The following DCAF8 variants were observed in gnomAD, a reference collection of about 807,000 sequenced individuals.
DCAF8 encodes the protein DDB1 and CUL4 associated factor 8.
DCAF8 carries 20 observed loss-of-function variants against 68.0 expected under a neutral mutation model. That is an observed-to-expected ratio of 0.29 (90% CI 0.21 to 0.43). The LOEUF (loss-of-function observed/expected upper bound fraction) is 0.43. Among genes scored for constraint, DCAF8 ranks in the 20% least tolerant of loss-of-function variants. The probability of loss-of-function intolerance (pLI) is 1.00; values close to 1 mark genes in which losing one functional copy is unlikely to be tolerated. For missense variants in DCAF8, 460 were observed against 771.0 expected (o/e 0.60, Z 4.78); for synonymous variants, 230 against 276.9 (o/e 0.83, Z 1.68).
At chr1:160,261,461 C>T (rs1657085093) in intron 1 of DCAF8, 103 bp from the exon 2 acceptor site, 1 of 152,202 alleles carries the variant, frequency 6.6e-6, no homozygotes, top group Admixed American at 6.5e-5. Flanking sequence ...CTCAAAACTA[C>T]TTAAAAGCAG....
chr1:160,254,560 G>A (rs1231737684), intron 2 of DCAF8, among the ~76,000 whole-genome samples: 10 of 151,784 alleles, frequency 6.6e-5, no homozygotes, highest in South Asian at 2.1e-4. Flanking sequence ...TTAGGAGGCC[G>A]GGCCGGGTGG....
At chr1:160,248,021 G>A (rs1656410012) in intron 2 of DCAF8, among the ~76,000 whole-genome samples, 1 of 152,192 alleles carries the variant, frequency 6.6e-6, no homozygotes. Context: ...AATAAATTCT[G>A]ATAAATCTGA....
chr1:160,229,296 A>G (rs925109920), intron 7 of DCAF8, among the ~76,000 whole-genome samples: 7 of 143,074 alleles, frequency 4.9e-5, no homozygotes, highest in African/African-American at 1.9e-4. Context: ...ACTCTGTCTC[A>G]AAAAAAAAAC....
intron 2 of DCAF8, among the ~76,000 whole-genome samples, chr1:160,244,459 T>A (rs941058523): frequency 3.9e-5 from 6 of 152,186 alleles, no homozygotes; most frequent in African/African-American, 1.4e-4. Flanking sequence ...GACATATGTA[T>A]CCTCAAACTC....
chr1:160,224,262 G>A (rs554755378), intron 10 of DCAF8, among the ~76,000 whole-genome samples, 180 bp downstream of exon 10: 1 of 152,346 alleles, frequency 6.6e-6, no homozygotes, highest in African/African-American at 2.4e-5. Flanking sequence ...AGATGCTCTT[G>A]AGCGCTTTCT....
At chr1:160,238,545 A>C in intron 5 of DCAF8, 62 bp downstream of exon 5, 2 of 1,504,738 alleles carry the variant, frequency 1.3e-6, no homozygotes, top group African/African-American at 2.8e-5. Context: ...ATAAGGGAGA[A>C]CCTTGGCTGA....
At chr1:160,243,379 T>C (rs1402816221) in intron 3 of DCAF8, among the ~76,000 whole-genome samples, 1 of 151,228 alleles carries the variant, frequency 6.6e-6, no homozygotes, top group Non-Finnish European at 1.5e-5. Flanking sequence ...CCTAGTTGGG[T>C]TGTAACTTCA....
chr1:160,226,394 AC>A (rs906691487), intron 7 of DCAF8, among the ~76,000 whole-genome samples: 3 of 152,082 alleles, frequency 2.0e-5, no homozygotes, highest in Non-Finnish European at 4.4e-5. Flanking sequence ...TATCAAGCAC[AC>A]TACACCTTCA....
Position 160,240,125 on chromosome 1 carries a change from A to T in DCAF8, c.295T>A (p.Ser99Thr). The change falls in exon 4 of 14, where the codon TCA (serine) becomes ACA (threonine). Residue 99 changes from serine to threonine, a missense_variant. Physicochemically the swap from Ser to Thr is moderately conservative, Grantham distance 58 (BLOSUM62 1). Transcript: ENST00000368074. ...TCTTCCTCCTCTTCCTCTTCCTCTGAGCGGTCATGGACTCGATTTTCATCA... is the reference window on the plus strand; with the variant it reads ...TCTTCCTCCTCTTCCTCTTCCTCTGTGCGGTCATGGACTCGATTTTCATCA... ...INDENRVHDR[S>T]EEEEEEEEEE... The T allele has an allele frequency of 6.2e-7, 1 of 1,613,780 alleles. No homozygotes were observed. Among genetic ancestry groups the T allele is most frequent in the South Asian group, 1.1e-5 (1 of 91,030 alleles).
intron 2 of DCAF8, among the ~76,000 whole-genome samples, chr1:160,251,726 C>A (rs1162535384): frequency 6.6e-6 from 1 of 152,150 alleles, no homozygotes; most frequent in Admixed American, 6.5e-5. Flanking sequence ...CCTTGGCCTC[C>A]CAAAATGCTT....
In DCAF8 at chr1:160,217,476, T is replaced by C. The variant is rs1286276193; in HGVS notation, c.*116A>G. The C allele has an allele frequency of 4.3e-6, 3 of 701,318 alleles. No individual in the cohort carries two copies. Among genetic ancestry groups the C allele is most frequent in the South Asian group, 3.9e-5 (2 of 51,178 alleles). The allele number at this position is 701,318 out of a possible 1,614,324, so 43.4% of individuals were successfully genotyped here. Reference sequence around the variant, plus strand: ...CTTCTCCTGGGATGTCTTTCTTTTATCTAAAGCAAAAAGTCCAAAGTGCGT... The same window carrying C: ...CTTCTCCTGGGATGTCTTTCTTTTACCTAAAGCAAAAAGTCCAAAGTGCGT... On this transcript the variant is annotated 3_prime_UTR_variant, in exon 14 of 14. Transcript: ENST00000368074.
intron 2 of DCAF8, among the ~76,000 whole-genome samples, chr1:160,255,862 C>T (rs1656814492): frequency 1.3e-5 from 2 of 151,864 alleles, no homozygotes; most frequent in African/African-American, 4.8e-5. Flanking sequence ...TCAGGTGATC[C>T]GCCCGTCTCA....
At chr1:160,238,878 C>T in intron 4 of DCAF8, 131 bp from the exon 5 acceptor site, 1 of 1,066,020 alleles carries the variant, frequency 9.4e-7, no homozygotes. Flanking sequence ...AGCTTTCCTA[C>T]TCTTGTACAG....
At chr1:160,254,372 G>A (rs1259449928) in intron 2 of DCAF8, among the ~76,000 whole-genome samples, 2 of 151,714 alleles carry the variant, frequency 1.3e-5, no homozygotes, top group East Asian at 1.9e-4. Flanking sequence ...TACCAATATA[G>A]CATAACTATG....
At chr1:160,237,081 A>G (rs1298260918) in intron 6 of DCAF8, 54 bp downstream of exon 6, 16 of 1,284,582 alleles carry the variant, frequency 1.2e-5, no homozygotes, top group African/African-American at 7.5e-5. Flanking sequence ...GACATATGGA[A>G]TATGTTCAAG....
intron 6 of DCAF8, among the ~76,000 whole-genome samples, chr1:160,235,169 T>C (rs1354196567): frequency 6.6e-6 from 1 of 152,036 alleles, no homozygotes; most frequent in East Asian, 1.9e-4. Flanking sequence ...AGTCTTGCTG[T>C]GTCACCCAGG....
intron 2 of DCAF8, among the ~76,000 whole-genome samples, chr1:160,245,523 A>T (rs1203239411): frequency 1.3e-5 from 2 of 152,232 alleles, no homozygotes; most frequent in African/African-American, 2.4e-5. Context: ...AAAAGACAGT[A>T]GCCCAAAGAT....
In DCAF8 at chr1:160,240,808, G is replaced by A. The variant is rs78638705; in HGVS notation, c.50-438C>T. Reference sequence around the variant, plus strand: ...CATAGCCATCTTCTTAGCGAAAGACGGAAACCAGCTGATAAAAATCACTCT... The same window carrying A: ...CATAGCCATCTTCTTAGCGAAAGACAGAAACCAGCTGATAAAAATCACTCT... On this transcript the variant is annotated intron_variant, in intron 3 of 13. Coordinates refer to ENST00000368074, the MANE Select transcript of DCAF8 (RefSeq NM_015726.4). Among the ~76,000 whole-genome samples, 51 of 152,244 alleles carry A rather than the reference G, an allele frequency of 3.3e-4. No individual in the cohort carries two copies. The East Asian group carries it at 9.5e-3, about 28-fold the overall frequency.
At position 160,216,626 on chromosome 1, in the gene DCAF8, A is replaced by G. The variant is rs932195324; in HGVS notation, c.*966T>C. On this transcript the variant is annotated 3_prime_UTR_variant, in exon 14 of 14. Transcript: ENST00000368074. ...AGTGACCATACACAGAGGTAAACTG[A>G]CCCCAGGTGTCACTTCCACACCATT... 6.6e-6 allele frequency: 1 copy of G among 152,530 alleles called. No homozygotes were observed. The highest frequency in any genetic ancestry group is 1.5e-5 in the Non-Finnish European group (1 of 68,036). 9.4% of individuals were successfully genotyped at this position (152,530 alleles called of 1,614,324 possible).
Sources: gnomAD v4.1 joint callset for allele counts (sites outside exome capture counted in the v4.1 genomes callset) on GRCh38, gnomAD v4.1.1 for gene constraint, MANE v1.5 for transcripts, NCBI Gene and HGNC (gene_info 2026-07-23, HGNC 2026-07-21) for gene names.